The following SEC24A variants were observed in gnomAD, a reference collection of about 807,000 sequenced individuals.
SEC24A encodes the protein protein transport protein Sec24A.
Under a neutral mutation model 129.4 loss-of-function variants are expected in SEC24A, and 93 were observed. The observed-to-expected ratio is 0.72, with a 90% confidence interval of 0.61 to 0.85. The LOEUF is 0.85. SEC24A is among the 40% of genes least tolerant of loss of function. The pLI, the probability that SEC24A is intolerant of heterozygous loss-of-function variation, is 0.00. For synonymous variants in SEC24A, 460 were observed against 467.3 expected, an observed-to-expected ratio of 0.98 and a Z score of 0.20; for missense variants, 1,264 against 1,307.4, an observed-to-expected ratio of 0.97 and a Z score of 0.51.
intron 22 of SEC24A, among the ~76,000 whole-genome samples, chr5:134,724,013 C>T (rs1752692717): frequency 6.6e-6 from 1 of 152,092 alleles, no homozygotes; most frequent in South Asian, 2.1e-4. Flanking sequence ...TTAAAATATA[C>T]AATACATCAT....
rs1752535159 is a variant in SEC24A, at chr5:134,718,228, T to G, written c.2970+55T>G. The G allele has an allele frequency of 3.8e-6, 5 of 1,310,202 alleles. 1 individual carries two copies. The highest frequency in any genetic ancestry group is 3.4e-5 in the Admixed American group (2 of 58,656). The allele number at this position is 1,310,202 out of a possible 1,614,324, so 81.2% of individuals were successfully genotyped here. On this transcript the variant is annotated intron_variant, in intron 20 of 22. Transcript: ENST00000398844. The stretch of plus-strand genomic sequence containing the variant: ...CTGCAAACTACTATACTGTTTTAAT[T>G]TAGCATTTGGTTTCATTCCCTTTAA...
Position 134,725,081 on chromosome 5 carries a change from A to C in SEC24A, c.3269A>C (p.Gln1090Pro). The C allele has an allele frequency of 6.7e-7, 1 of 1,486,780 alleles. No homozygotes were observed. The highest frequency in any genetic ancestry group is 9.4e-7 in the Non-Finnish European group (1 of 1,067,838). 92.1% of individuals were successfully genotyped at this position (1,486,780 alleles called of 1,614,324 possible). A position where few individuals can be genotyped will look rare whatever the true frequency, so the allele number is the denominator to read the frequency against. ...YYEFLLHIQQ[Q>P]VNK ...GAATTCCTGTTGCATATACAGCAAC[A>C]AGTGAATAAATGAATGAATGAAGAA... The change falls in exon 23 of 23, where the codon CAA becomes CCA. Residue 1090 changes from glutamine to proline, a missense_variant. Transcript: ENST00000398844.
chr5:134,688,264 C>T lies in SEC24A; in HGVS notation c.1688C>T (p.Ser563Phe), dbSNP rs773585546. 14 of 1,604,040 alleles carry T rather than the reference C, an allele frequency of 8.7e-6. No individual in the cohort carries two copies. Among genetic ancestry groups the T allele is most frequent in the African/African-American group, 1.3e-5 (1 of 74,718 alleles). The change falls in exon 11 of 23, where the codon TCT (serine) becomes TTT (phenylalanine). Residue 563 changes from serine (S) to phenylalanine (F), a missense_variant. Physicochemically the swap from Ser to Phe is radical, Grantham distance 155. Coordinates refer to ENST00000398844, the MANE Select transcript of SEC24A (RefSeq NM_021982.3). ...TTCTACGGTCTTCAGGAAAGTCTCT[C>T]TCAACCTCAGATGCTAATAGTTTCA... Reference protein sequence around the residue: ...IHFYGLQESLSQPQMLIVSDI... With the variant: ...IHFYGLQESLFQPQMLIVSDI...
Position 134,683,899 on chromosome 5 carries a change from G to T in SEC24A, c.1491+1417G>T, listed in dbSNP as rs143337689. On this transcript the variant is annotated intron_variant, in intron 9 of 22. Coordinates refer to ENST00000398844, the MANE Select transcript of SEC24A (RefSeq NM_021982.3). ...ACATGCCAAATTTCACTTAGTAGTA[G>T]AACTTGCATAATAATTTAGGCCTTT... Among the ~76,000 whole-genome samples the T allele has an allele frequency of 3.5e-4, 54 of 152,278 alleles. No individual in the cohort carries two copies. The East Asian group carries it at 9.4e-3, about 27-fold the overall frequency.
At chr5:134,655,517 C>T (rs188949455) in intron 1 of SEC24A, among the ~76,000 whole-genome samples, 1,755 of 151,994 alleles carry the variant, frequency 0.012, 17 homozygotes, top group Non-Finnish European at 0.017. Flanking sequence ...GGTGTGGTGG[C>T]GTGCGCCTGT....
chr5:134,648,794 C>T lies in SEC24A; in HGVS notation c.-283C>T, dbSNP rs2150062900. On this transcript the variant is annotated 5_prime_UTR_variant, in exon 1 of 23. Coordinates refer to ENST00000398844, the MANE Select transcript of SEC24A (RefSeq NM_021982.3). ...CCGGCGGCTGACAGGCACTTCCGGC[C>T]AGGGCCTCCCTCCTTCTCTCTAGGT... 1 of 275,648 alleles carries T rather than the reference C, an allele frequency of 3.6e-6. No homozygotes were observed. The highest frequency in any genetic ancestry group is 6.2e-5 in the East Asian group (1 of 16,140). The allele number at this position is 275,648 out of a possible 1,614,324, so 17.1% of individuals were successfully genotyped here.
chr5:134,665,454 T>C (rs1222307251), intron 2 of SEC24A, among the ~76,000 whole-genome samples: 1 of 146,760 alleles, frequency 6.8e-6, no homozygotes, highest in Admixed American at 6.8e-5. Flanking sequence ...AGACTTCGTC[T>C]CAGAAAAAAA....
intron 7 of SEC24A, among the ~76,000 whole-genome samples, chr5:134,677,353 C>T (rs999062728): frequency 6.6e-6 from 1 of 151,990 alleles, no homozygotes; most frequent in African/African-American, 2.4e-5. Flanking sequence ...ACTGATCTAC[C>T]TTTGTCCTAA....
intron 13 of SEC24A, among the ~76,000 whole-genome samples, chr5:134,694,654 C>CAA (rs777547814): frequency 2.4e-5 from 3 of 123,210 alleles, no homozygotes; most frequent in Non-Finnish European, 3.5e-5. Context: ...GACTCCGTCT[C>CAA]AAAAAAAAAA....
chr5:134,708,754 G>C lies in SEC24A; in HGVS notation c.2593G>C (p.Asp865His), dbSNP rs1324447212. 3 of 1,614,136 alleles carry C rather than the reference G, an allele frequency of 1.9e-6. No homozygotes were observed. In the South Asian group the frequency reaches 3.3e-5, roughly 18 times the overall value. The change falls in exon 18 of 23, where the codon GAT becomes CAT. Residue 865 changes from aspartate to histidine, a missense_variant. Physicochemically the swap from Asp to His is moderately conservative, Grantham distance 81 (BLOSUM62 -1). Coordinates refer to ENST00000398844, the MANE Select transcript of SEC24A (RefSeq NM_021982.3). ...GACTGCCAGTCTGAGTGACGCTCGG[G>C]ATGCTCTAGTGAATGCAGTCATTGA... is the stretch of plus-strand genomic sequence containing the variant. ...SMTASLSDAR[D>H]ALVNAVIDSL...
chr5:134,657,179 A>AACACACAC lies in SEC24A; in HGVS notation c.98-3938_98-3937insACACACAC, dbSNP rs1177094202. Among the ~76,000 whole-genome samples, 548 of 137,002 alleles carry AACACACAC rather than the reference A, an allele frequency of 4.0e-3. 3 individuals are homozygous for AACACACAC. The highest frequency in any genetic ancestry group is 0.016 in the African/African-American group (492 of 30,896). 89.9% of individuals were successfully genotyped at this position (137,002 alleles called of 152,430 possible). A position where few individuals can be genotyped will look rare whatever the true frequency, so the allele number is the denominator to read the frequency against. ...GCAGAGCGAGACCTCATTTCTGAAAAACGCACACACACACACACACACACA... is the reference window on the plus strand; with the variant it reads ...GCAGAGCGAGACCTCATTTCTGAAAAACACACACACGCACACACACACACACACACACA... On this transcript the variant is annotated intron_variant, in intron 1 of 22. Transcript: ENST00000398844.
chr5:134,667,949 T>G (rs548466173), intron 3 of SEC24A, among the ~76,000 whole-genome samples: 109 of 152,112 alleles, frequency 7.2e-4, no homozygotes, highest in Non-Finnish European at 1.2e-3. Flanking sequence ...CACAGTGTCT[T>G]ACCCCTGTAA....
chr5:134,713,068 A>G lies in SEC24A; in HGVS notation c.2728-1956A>G, dbSNP rs1274944131. ...TGCCTCAGCCTCCCGAGTAGCTGGG[A>G]CTACAGGCGCCCACCACAATGCCCG... On this transcript the variant is annotated intron_variant, in intron 18 of 22. Coordinates refer to ENST00000398844, the MANE Select transcript of SEC24A (RefSeq NM_021982.3). Among the ~76,000 whole-genome samples, 3 of 147,546 alleles carry G rather than the reference A, an allele frequency of 2.0e-5. No homozygotes were observed. In the Admixed American group the frequency reaches 2.1e-4, roughly 10 times the overall value.
At chr5:134,675,804 A>G (rs1751039372) in intron 6 of SEC24A, among the ~76,000 whole-genome samples, 1 of 152,210 alleles carries the variant, frequency 6.6e-6, no homozygotes, top group Non-Finnish European at 1.5e-5. Context: ...ACACAAGCCA[A>G]AAAGAGACTA....
At chr5:134,710,758 G>C (rs1370363785) in intron 18 of SEC24A, among the ~76,000 whole-genome samples, 1 of 152,170 alleles carries the variant, frequency 6.6e-6, no homozygotes, top group Non-Finnish European at 1.5e-5. Flanking sequence ...TGGTCTGGTG[G>C]AGTAGGCTTA....
At chr5:134,693,697 C>T (rs1227665041) in intron 12 of SEC24A, 30 bp from the exon 13 acceptor site, 2 of 1,605,992 alleles carry the variant, frequency 1.2e-6, no homozygotes, top group African/African-American at 1.3e-5. Context: ...TTAATTATGA[C>T]ACTTGAGTTT....
chr5:134,697,774 A>T (rs1417186574), intron 14 of SEC24A, 125 bp from the exon 15 acceptor site: 4 of 1,026,702 alleles, frequency 3.9e-6, no homozygotes, highest in African/African-American at 3.3e-5. Flanking sequence ...AGGGAATAAA[A>T]TCTCCTTTCT....
intron 20 of SEC24A, among the ~76,000 whole-genome samples, chr5:134,720,261 T>A (rs148966906): frequency 6.6e-6 from 1 of 152,226 alleles, no homozygotes; most frequent in African/African-American, 2.4e-5. Flanking sequence ...ACCTTTCCTA[T>A]GTTTAGATAC....
intron 9 of SEC24A, among the ~76,000 whole-genome samples, chr5:134,684,546 C>T (rs1751385155): frequency 6.6e-6 from 1 of 151,896 alleles, no homozygotes; most frequent in South Asian, 2.1e-4. Context: ...AACCCCATCT[C>T]TATTAAAAAT....
Sources: gnomAD v4.1 joint callset for allele counts (sites outside exome capture counted in the v4.1 genomes callset) on GRCh38, gnomAD v4.1.1 for gene constraint, MANE v1.5 for transcripts, NCBI Gene and HGNC (gene_info 2026-07-23, HGNC 2026-07-21) for gene names.